The following F11 variants were observed in gnomAD, a reference collection of about 807,000 sequenced individuals.
F11 encodes the protein coagualtion factor XI.
In F11, 78 loss-of-function variants were observed where a neutral mutation model predicts 76.5. That is an observed-to-expected ratio of 1.02 (90% CI 0.85 to 1.23). The LOEUF is 1.23. Among genes scored for constraint, F11 ranks in the 50% most tolerant of loss-of-function variants. The probability of loss-of-function intolerance (pLI) is 0.00; values close to 1 mark genes in which losing one functional copy is unlikely to be tolerated. For synonymous variants in F11, 278 were observed against 276.3 expected (o/e 1.01, Z -0.06); for missense variants, 742 against 771.4 (o/e 0.96, Z 0.45).
intron 3 of F11, among the ~76,000 whole-genome samples, chr4:186,272,192 A>C (rs954431438): frequency 6.6e-6 from 1 of 152,174 alleles, no homozygotes; most frequent in Non-Finnish European, 1.5e-5. Context: ...TCCCCCTGCC[A>C]CCACCAAAAC....
intron 6 of F11, 96 bp from the exon 7 acceptor site, chr4:186,276,135 C>T (rs990753502): frequency 1.4e-6 from 2 of 1,433,606 alleles, no homozygotes; most frequent in Non-Finnish European, 1.9e-6. Flanking sequence ...TTGGGATACA[C>T]TTAAATTTTT....
At chr4:186,286,585 T>C in intron 13 of F11, 75 bp downstream of exon 13, 11 of 1,597,748 alleles carry the variant, frequency 6.9e-6, no homozygotes, top group Non-Finnish European at 8.5e-6. Flanking sequence ...TCAAGTCATG[T>C]AGCTGAAGCA....
At position 186,284,148 on chromosome 4, in the gene F11, G is replaced by A. The variant is rs746475013; in HGVS notation, c.1192G>A (p.Glu398Lys). ...TGGAGGAACTGCGTCTGTTCGTGGT[G>A]AGTGGCCGTGGCAGGTGACCCTGCA... ...IVGGTASVRGEWPWQVTLHTT... is the reference protein window; with the variant it reads ...IVGGTASVRGKWPWQVTLHTT... The change falls in exon 11 of 15, where the codon GAG becomes AAG. Residue 398 changes from glutamate to lysine, a missense_variant. By Grantham distance (56) the Glu-to-Lys change is moderately conservative. Transcript: ENST00000403665. 11 of 1,614,106 alleles carry A rather than the reference G, an allele frequency of 6.8e-6. No individual in the cohort carries two copies. The South Asian group carries it at 1.1e-4, about 16-fold the overall frequency.
At chr4:186,275,761 C>A in intron 5 of F11, 26 bp from the exon 6 acceptor site, 1 of 1,520,172 alleles carries the variant, frequency 6.6e-7, no homozygotes, top group South Asian at 1.1e-5. Flanking sequence ...AAGAATAAGA[C>A]ACTTTTCCTT....
At chr4:186,270,283 T>C (rs1053928911) in intron 2 of F11, among the ~76,000 whole-genome samples, 1 of 152,256 alleles carries the variant, frequency 6.6e-6, no homozygotes, top group Non-Finnish European at 1.5e-5. Flanking sequence ...AAGCAGCATG[T>C]GTTCCATGTG....
Position 186,288,694 on chromosome 4 carries a change from T to C in F11, c.*80T>C. Reference sequence around the variant, plus strand: ...GGGTGTTGAGTTCACTGTGCCAGCATGCTTCCTCCACAGTAACACGCTGAA... The same window carrying C: ...GGGTGTTGAGTTCACTGTGCCAGCACGCTTCCTCCACAGTAACACGCTGAA... On this transcript the variant is annotated 3_prime_UTR_variant, in exon 15 of 15. Transcript: ENST00000403665. The C allele has an allele frequency of 6.8e-7, 1 of 1,468,204 alleles. No individual in the cohort carries two copies. The highest frequency in any genetic ancestry group is 1.2e-5 in the South Asian group (1 of 83,190). 90.9% of individuals were successfully genotyped at this position (1,468,204 alleles called of 1,614,324 possible). A position where few individuals can be genotyped will look rare whatever the true frequency, so the allele number is the denominator to read the frequency against.
At position 186,276,287 on chromosome 4, in the gene F11, G is replaced by C. The variant is rs761832379; in HGVS notation, c.652G>C (p.Val218Leu). The change falls in exon 7 of 15, where the codon GTC (valine) becomes CTC (leucine). Residue 218 changes from valine to leucine, a missense_variant. Physicochemically the swap from Val to Leu is conservative, Grantham distance 32. Coordinates refer to ENST00000403665, the MANE Select transcript of F11 (RefSeq NM_000128.4). ...TVFADSNIDS[V>L]MAPDAFVCGR... ...GTTTGCAGACAGCAACATCGACAGTGTCATGGCTCCCGATGCTTTTGTCTG... is the reference window on the plus strand; with the variant it reads ...GTTTGCAGACAGCAACATCGACAGTCTCATGGCTCCCGATGCTTTTGTCTG... 1.2e-6 allele frequency: 2 copies of C among 1,613,998 alleles called. No individual in the cohort carries two copies. The highest frequency in any genetic ancestry group is 1.7e-6 in the Non-Finnish European group (2 of 1,180,044).
chr4:186,274,194 A>C lies in F11; in HGVS notation c.404A>C (p.Glu135Ala). The C allele has an allele frequency of 6.2e-7, 1 of 1,614,234 alleles. No homozygotes were observed. Among genetic ancestry groups the C allele is most frequent in the Non-Finnish European group, 8.5e-7 (1 of 1,180,038 alleles). ...YNSSVAKSAQECQERCTDDVH... is the reference protein window; with the variant it reads ...YNSSVAKSAQACQERCTDDVH... ...AGCTCAGTTGCCAAGAGTGCTCAAGAATGCCAAGAAAGATGCACGGATGAC... is the reference window on the plus strand; with the variant it reads ...AGCTCAGTTGCCAAGAGTGCTCAAGCATGCCAAGAAAGATGCACGGATGAC... Residue 135 changes from glutamate to alanine, a missense_variant, in exon 5 of 15, where the codon GAA becomes GCA. Glu to Ala is a moderately radical substitution (Grantham distance 107, BLOSUM62 -1). Coordinates refer to ENST00000403665, the MANE Select transcript of F11 (RefSeq NM_000128.4).
chr4:186,278,750 C>A (rs1740565347), intron 7 of F11, among the ~76,000 whole-genome samples: 1 of 152,126 alleles, frequency 6.6e-6, no homozygotes. Flanking sequence ...AAATAGAAGT[C>A]AAATTCAGAA....
chr4:186,284,474 T>G (rs1345845985), intron 11 of F11, among the ~76,000 whole-genome samples: 1 of 152,172 alleles, frequency 6.6e-6, no homozygotes, highest in Non-Finnish European at 1.5e-5. Context: ...CTGCCTGCTA[T>G]TCCGCTTCCC....
At position 186,276,348 on chromosome 4, in the gene F11, T is replaced by A; in HGVS notation, c.713T>A (p.Phe238Tyr). The A allele has an allele frequency of 1.1e-5, 18 of 1,614,104 alleles. No individual in the cohort carries two copies. Among genetic ancestry groups the A allele is most frequent in the Non-Finnish European group, 1.5e-5 (18 of 1,180,020 alleles). Residue 238 changes from phenylalanine (F) to tyrosine (Y), a missense_variant, in exon 7 of 15, where the codon TTT (phenylalanine) becomes TAT (tyrosine). Transcript: ENST00000403665. ...TGCACTCATCATCCCGGTTGCTTGT[T>A]TTTTACCTTCTTTTCCCAGGAATGG... ...RICTHHPGCLFFTFFSQEWPK... is the reference protein window; with the variant it reads ...RICTHHPGCLYFTFFSQEWPK...
chr4:186,271,527 C>T (rs1739952543), intron 2 of F11, 82 bp from the exon 3 acceptor site: 8 of 1,484,332 alleles, frequency 5.4e-6, no homozygotes, highest in Non-Finnish European at 7.5e-6. Context: ...GAGCTACTTG[C>T]CTTGCCTTTA....
At chr4:186,269,620 T>G (rs568257866) in intron 2 of F11, among the ~76,000 whole-genome samples, 24 of 152,266 alleles carry the variant, frequency 1.6e-4, no homozygotes, top group Non-Finnish European at 2.5e-4. Flanking sequence ...TGAGGGTTGG[T>G]GTTTAATGGG....
chr4:186,281,855 G>A, intron 10 of F11: 1 of 1,195,928 alleles, frequency 8.4e-7, no homozygotes, highest in South Asian at 1.6e-5. Flanking sequence ...CTTAATTTCT[G>A]AGAACTTGTT....
chr4:186,283,024 G>A lies in F11; in HGVS notation c.1136-1068G>A, dbSNP rs529621869. The A allele has an allele frequency of 6.1e-5, 60 of 985,314 alleles. No individual in the cohort carries two copies. In the African/African-American group the frequency reaches 6.8e-4, roughly 11 times the overall value. 61.0% of individuals were successfully genotyped at this position (985,314 alleles called of 1,614,324 possible). On this transcript the variant is annotated intron_variant, in intron 10 of 14. Transcript: ENST00000403665. ...TTAGACTCCTCCCTTAGCTCAGGAC[G>A]CGGAGCCTTCTGAGCACCTGAGCCT...
At position 186,284,643 on chromosome 4, in the gene F11, G is replaced by A. The variant is rs768197983; in HGVS notation, c.1304+383G>A. On this transcript the variant is annotated intron_variant, in intron 11 of 14. Coordinates refer to ENST00000403665, the MANE Select transcript of F11 (RefSeq NM_000128.4). ...CTAATATGTGTGTGTGTGTGTGTGC[G>A]TGTGTGTTTAAATACAGAAAGTGGC... Among the ~76,000 whole-genome samples, 89 of 151,298 alleles carry A rather than the reference G, an allele frequency of 5.9e-4. 1 individual carries two copies. Among genetic ancestry groups the A allele is most frequent in the Non-Finnish European group, 8.8e-4 (60 of 68,004 alleles).
intron 14 of F11, 118 bp from the exon 15 acceptor site, chr4:186,288,335 G>A (rs959962788): frequency 8.1e-7 from 1 of 1,240,242 alleles, no homozygotes. Flanking sequence ...CAGGTTCTCT[G>A]CAGTATATTA....
At chr4:186,269,216 C>T (rs944159632) in intron 2 of F11, among the ~76,000 whole-genome samples, 1 of 151,828 alleles carries the variant, frequency 6.6e-6, no homozygotes, top group Admixed American at 6.6e-5. Flanking sequence ...ATTTAACATT[C>T]AAAAATCAAT....
intron 4 of F11, 132 bp from the exon 5 acceptor site, chr4:186,273,984 A>C: frequency 1.1e-6 from 1 of 910,144 alleles, no homozygotes; most frequent in Non-Finnish European, 1.8e-6. Flanking sequence ...AGAATTTTGC[A>C]GATTAATATA....
Sources: gnomAD v4.1 joint callset for allele counts (sites outside exome capture counted in the v4.1 genomes callset) on GRCh38, gnomAD v4.1.1 for gene constraint, MANE v1.5 for transcripts, NCBI Gene and HGNC (gene_info 2026-07-23, HGNC 2026-07-21) for gene names.